MPRIP: variants seen among roughly 807,000 people sequenced by gnomAD.
The protein encoded by MPRIP is myosin phosphatase Rho-interacting protein.
Under a neutral mutation model 234.9 loss-of-function variants are expected in MPRIP, and 59 were observed. That is an observed-to-expected ratio of 0.25 (90% CI 0.20 to 0.31). The LOEUF (loss-of-function observed/expected upper bound fraction) is 0.31. MPRIP is among the 10% of genes least tolerant of loss of function. MPRIP has a pLI of 1.00. For missense variants in MPRIP, 2,436 were observed against 3,071.0 expected (o/e 0.79, Z 4.89); for synonymous variants, 1,144 against 1,263.9 (o/e 0.91, Z 2.01).
intron 3 of MPRIP, among the ~76,000 whole-genome samples, chr17:17,105,273 C>T (rs1001801899): frequency 3.9e-5 from 6 of 152,178 alleles, no homozygotes; most frequent in Non-Finnish European, 8.8e-5. Flanking sequence ...GGCTTTTTCA[C>T]TGCAGGCCTC....
intron 3 of MPRIP, among the ~76,000 whole-genome samples, chr17:17,087,151 A>G (rs1027217379): frequency 2.6e-5 from 4 of 151,690 alleles, no homozygotes; most frequent in African/African-American, 4.9e-5. Context: ...AAAACAGCCA[A>G]CTCCTGAGGG....
At position 17,158,454 on chromosome 17, in the gene MPRIP, A is replaced by G; in HGVS notation, c.1852A>G (p.Lys618Glu). The part of the protein sequence containing the change: ...VTSSLPEEKN[K>E]SSCSFETCPR... ...CAGCTCGTTGCCAGAGGAAAAAAAC[A>G]AGAGCAGCTGCTCTTTTGAGACCTG... The change falls in exon 14 of 24, where the codon AAG (lysine) becomes GAG (glutamate). Residue 618 changes from lysine (K) to glutamate (E), a missense_variant. Lys to Glu is a moderately conservative substitution (Grantham distance 56, BLOSUM62 1). Transcript: ENST00000651222. The G allele has an allele frequency of 6.3e-7, 1 of 1,577,068 alleles. No homozygotes were observed. Among genetic ancestry groups the G allele is most frequent in the Non-Finnish European group, 8.6e-7 (1 of 1,162,306 alleles).
Position 17,184,881 on chromosome 17 carries a change from T to C in MPRIP, c.7265T>C (p.Leu2422Ser), listed in dbSNP as rs1031159998. The change falls in exon 24 of 24, where the codon TTG becomes TCG. Residue 2422 changes from leucine to serine, a missense_variant. Transcript: ENST00000651222. ...ERLKLFESRDLKKD is the reference protein window; with the variant it reads ...ERLKLFESRDSKKD Reference sequence around the variant, plus strand: ...TTGAAGCTCTTTGAATCCAGGGACTTGAAGAAAGACTAGGTGTGTCCCATC... The same window carrying C: ...TTGAAGCTCTTTGAATCCAGGGACTCGAAGAAAGACTAGGTGTGTCCCATC... The C allele has an allele frequency of 3.1e-6, 5 of 1,611,692 alleles. No homozygotes were observed. Among genetic ancestry groups the C allele is most frequent in the Non-Finnish European group, 4.2e-6 (5 of 1,178,838 alleles).
At chr17:17,178,313 A>T (rs2144697706) in intron 22 of MPRIP, 1 of 152,344 alleles carries the variant, frequency 6.6e-6, no homozygotes, top group African/African-American at 2.4e-5. Flanking sequence ...CTAATATCAA[A>T]AAAGAAAAAA....
intron 1 of MPRIP, among the ~76,000 whole-genome samples, chr17:17,056,924 A>C (rs1250756877): frequency 6.6e-6 from 1 of 152,226 alleles, no homozygotes; most frequent in Non-Finnish European, 1.5e-5. Context: ...AATGCTTTCA[A>C]GGTTCATCCA....
chr17:17,109,816 T>C lies in MPRIP; in HGVS notation c.268-16886T>C, dbSNP rs1207315501. Reference sequence around the variant, plus strand: ...TGAAGCACCTTGCAATGCCAGGAAGTGCTTTGAGGCTGCACAGGTGCACAT... The same window carrying C: ...TGAAGCACCTTGCAATGCCAGGAAGCGCTTTGAGGCTGCACAGGTGCACAT... On this transcript the variant is annotated intron_variant, in intron 3 of 23. Coordinates refer to ENST00000651222, the MANE Select transcript of MPRIP (RefSeq NM_001364716.4). Among the ~76,000 whole-genome samples the C allele has an allele frequency of 2.6e-5, 4 of 152,150 alleles. No homozygotes were observed. In the East Asian group the frequency reaches 7.7e-4, roughly 29 times the overall value.
rs189727786 is a variant in MPRIP at position 17,185,265 on chromosome 17, G to A, written c.*371G>A. The A allele has an allele frequency of 8.8e-6, 3 of 339,286 alleles. No individual in the cohort carries two copies. Among genetic ancestry groups the A allele is most frequent in the African/African-American group, 6.4e-5 (3 of 46,530 alleles). The allele number at this position is 339,286 out of a possible 1,614,324, so 21.0% of individuals were successfully genotyped here. On this transcript the variant is annotated 3_prime_UTR_variant, in exon 24 of 24. Transcript: ENST00000651222. Reference sequence around the variant, plus strand: ...CTCACCATGTGCTGGTGTGGAAACGGGGCCCAGCCAGCACGCCTCAAGGTA... The same window carrying A: ...CTCACCATGTGCTGGTGTGGAAACGAGGCCCAGCCAGCACGCCTCAAGGTA...
chr17:17,113,887 T>C (rs1214530147), intron 3 of MPRIP, among the ~76,000 whole-genome samples: 6 of 141,486 alleles, frequency 4.2e-5, no homozygotes, highest in South Asian at 2.3e-4. Flanking sequence ...TTTCTTTTCT[T>C]TTTTTTTTTT....
Position 17,138,190 on chromosome 17 carries a change from C to T in MPRIP, c.1011C>T (p.Ala337=), listed in dbSNP as rs1187316704. 8.3e-6 allele frequency: 8 copies of T among 960,666 alleles called. No homozygotes were observed. Among genetic ancestry groups the T allele is most frequent in the African/African-American group, 3.4e-5 (2 of 59,224 alleles). The allele number at this position is 960,666 out of a possible 1,614,324, so 59.5% of individuals were successfully genotyped here. The part of the protein sequence containing the change: ...CSISLSSLDV[A]SQPPAYVDSG... Reference sequence around the variant, plus strand: ...TCTCCCTCAGCTCCCTGGATGTGGCCAGCCAGCCACCTGCCTACGTGGACT... The same window carrying T: ...TCTCCCTCAGCTCCCTGGATGTGGCTAGCCAGCCACCTGCCTACGTGGACT... Residue 337 remains alanine (A), a synonymous_variant, in exon 7 of 24, where the codon GCC becomes GCT. Transcript: ENST00000651222. This position sits in a 1 kb window ranked among gnomAD's most constrained non-coding sequence, Gnocchi z 5.8.
intron 1 of MPRIP, among the ~76,000 whole-genome samples, chr17:17,062,284 T>A (rs1420176216): frequency 6.6e-6 from 1 of 152,212 alleles, no homozygotes; most frequent in Non-Finnish European, 1.5e-5. Flanking sequence ...TCCTGCGTGC[T>A]CGGTCAGGCA....
rs761005775 is a variant in MPRIP at position 17,165,880 on chromosome 17, G to T, written c.4289G>T (p.Arg1430Leu). ...TGGGCGGGCACCGAGGCCCAGCTGC[G>T]TGAGCAGCTCCGCGCCAGCCTGCTC... ...HQWAGTEAQL[R>L]EQLRASLLQV... is the part of the protein sequence containing the mutation. Residue 1430 changes from arginine (R) to leucine (L), a missense_variant, in exon 16 of 24, where the codon CGT (arginine) becomes CTT (leucine). Arg to Leu is a moderately radical substitution (Grantham distance 102). Coordinates refer to ENST00000651222, the MANE Select transcript of MPRIP (RefSeq NM_001364716.4). The T allele has an allele frequency of 7.7e-7, 1 of 1,304,034 alleles. No homozygotes were observed. Among genetic ancestry groups the T allele is most frequent in the Admixed American group, 2.3e-5 (1 of 43,556 alleles). The allele number at this position is 1,304,034 out of a possible 1,614,324, so 80.8% of individuals were successfully genotyped here. A position where few individuals can be genotyped will look rare whatever the true frequency, so the allele number is the denominator to read the frequency against.
intron 1 of MPRIP, among the ~76,000 whole-genome samples, chr17:17,074,423 T>G (rs964930581): frequency 1.1e-4 from 16 of 152,208 alleles, no homozygotes; most frequent in African/African-American, 3.9e-4. Flanking sequence ...GCCTCACATT[T>G]GTTGAGACCT....
At chr17:17,133,046 C>T (rs1014624620) in intron 5 of MPRIP, among the ~76,000 whole-genome samples, 5 of 152,222 alleles carry the variant, frequency 3.3e-5, no homozygotes, top group Admixed American at 6.5e-5. Context: ...CCGCTCTCAG[C>T]CCAGTCCAGG....
chr17:17,089,546 C>T (rs7211205), intron 3 of MPRIP, among the ~76,000 whole-genome samples: 6,792 of 152,144 alleles, frequency 0.045, 474 homozygotes, highest in African/African-American at 0.14. Flanking sequence ...TAGCTCACTG[C>T]AGCCTTGAGC....
chr17:17,053,467 G>C (rs1294383943), intron 1 of MPRIP, among the ~76,000 whole-genome samples: 2 of 152,112 alleles, frequency 1.3e-5, no homozygotes, highest in Non-Finnish European at 2.9e-5. Flanking sequence ...TAGTAAATGG[G>C]GTCCGTTTTA....
rs1327299676 is a variant in MPRIP, at chr17:17,072,683, G to A, written c.124-3027G>A. Among the ~76,000 whole-genome samples the A allele has an allele frequency of 2.6e-5, 4 of 152,218 alleles. No homozygotes were observed. In the South Asian group the frequency reaches 6.2e-4, roughly 24 times the overall value. Reference sequence around the variant, plus strand: ...TGAGGAGGCTGGGGGAGGCTGCGCAGCCCACGTGGCTGGCTGTGAGAGGCA... The same window carrying A: ...TGAGGAGGCTGGGGGAGGCTGCGCAACCCACGTGGCTGGCTGTGAGAGGCA... On this transcript the variant is annotated intron_variant, in intron 1 of 23. Coordinates refer to ENST00000651222, the MANE Select transcript of MPRIP (RefSeq NM_001364716.4).
intron 2 of MPRIP, 56 bp from the exon 3 acceptor site, chr17:17,077,955 A>G (rs1041335763): frequency 6.3e-7 from 1 of 1,576,922 alleles, no homozygotes; most frequent in Non-Finnish European, 8.7e-7. Flanking sequence ...CCAGAAGCCA[A>G]GCTCTGGGGC....
At chr17:17,145,258 C>G (rs2045433490) in intron 9 of MPRIP, among the ~76,000 whole-genome samples, 1 of 152,232 alleles carries the variant, frequency 6.6e-6, no homozygotes, top group Non-Finnish European at 1.5e-5. Context: ...TGTTCTCACT[C>G]TCACTCCTTG....
At chr17:17,104,647 A>G (rs1177899425) in intron 3 of MPRIP, among the ~76,000 whole-genome samples, 1 of 152,098 alleles carries the variant, frequency 6.6e-6, no homozygotes, top group Non-Finnish European at 1.5e-5. Flanking sequence ...AGAGAGACAG[A>G]GCCCCAATTG....
Sources: allele counts gnomAD v4.1 joint callset (sites outside exome capture counted in the v4.1 genomes callset), GRCh38; gene constraint gnomAD v4.1.1; non-coding constraint Gnocchi (gnomAD v3.1); transcripts MANE v1.5; gene names NCBI Gene and HGNC (gene_info 2026-07-23, HGNC 2026-07-21).